Variants in MAP3K5 observed in about 807,000 individuals in gnomAD.
MAP3K5 encodes mitogen-activated protein kinase kinase kinase 5, also known as ASK-1.
MAP3K5 carries 56 observed loss-of-function variants against 158.7 expected under a neutral mutation model. The ratio of observed to expected loss-of-function variants is 0.35; its 90% CI spans 0.28 to 0.44. The LOEUF is 0.44. MAP3K5 is among the 20% of genes least tolerant of loss of function. MAP3K5 has a pLI of 1.00. For synonymous variants in MAP3K5, 579 were observed against 601.7 expected (o/e 0.96, Z 0.55); for missense variants, 1,294 against 1,674.8 (o/e 0.77, Z 3.97).
In MAP3K5 at chr6:136,557,592, A is replaced by C. The variant is rs1830305761; in HGVS notation, c.*166T>G. 4 of 562,884 alleles carry C rather than the reference A, an allele frequency of 7.1e-6. No homozygotes were observed. Among genetic ancestry groups the C allele is most frequent in the African/African-American group, 3.8e-5 (2 of 52,646 alleles). 34.9% of individuals were successfully genotyped at this position (562,884 alleles called of 1,614,324 possible). A position where few individuals can be genotyped will look rare whatever the true frequency, so the allele number is the denominator to read the frequency against. On this transcript the variant is annotated 3_prime_UTR_variant, in exon 30 of 30. Transcript: ENST00000359015. ...AATTATAGAAATAGATGTAGTTAGG[A>C]AATTTCAGTGTGTTTTGTCTGTTTT...
At chr6:136,630,518 C>G (rs1370604966) in intron 14 of MAP3K5, among the ~76,000 whole-genome samples, 1 of 152,144 alleles carries the variant, frequency 6.6e-6, no homozygotes, top group Non-Finnish European at 1.5e-5. Context: ...ACAGCAGCAG[C>G]AGAAAAAAAC....
intron 1 of MAP3K5, among the ~76,000 whole-genome samples, chr6:136,766,252 C>A (rs1427128908): frequency 1.3e-5 from 2 of 152,224 alleles, no homozygotes; most frequent in African/African-American, 4.8e-5. Flanking sequence ...TTCTGAATTG[C>A]AGCTCTAGTT....
In MAP3K5 at chr6:136,583,652, A is replaced by G; in HGVS notation, c.3314T>C (p.Ile1105Thr). The change falls in exon 24 of 30, where the codon ATC becomes ACC. Residue 1105 changes from isoleucine to threonine, a missense_variant. Ile to Thr is a moderately conservative substitution (Grantham distance 89, BLOSUM62 -1). Transcript: ENST00000359015. ...REFVRSTDRK[I>T]IATTLSKLKL... Reference sequence around the variant, plus strand: ...CAGCTTTGACAGTGTGGTGGCTATGATTTTTCGGTCAGTGGATCTCACAAA... The same window carrying G: ...CAGCTTTGACAGTGTGGTGGCTATGGTTTTTCGGTCAGTGGATCTCACAAA... 1 of 1,614,146 alleles carries G rather than the reference A, an allele frequency of 6.2e-7. No homozygotes were observed. The highest frequency in any genetic ancestry group is 8.5e-7 in the Non-Finnish European group (1 of 1,180,036).
At chr6:136,757,235 C>T (rs1342794947) in intron 1 of MAP3K5, among the ~76,000 whole-genome samples, 1 of 152,180 alleles carries the variant, frequency 6.6e-6, no homozygotes, top group Non-Finnish European at 1.5e-5. Context: ...TGACTACATA[C>T]CTACCTCTAG....
rs1266471180 is a variant in MAP3K5, at chr6:136,651,024, T to C, written c.1748A>G (p.Glu583Gly). Reference sequence around the variant, plus strand: ...CACGTGCCAAATAGAGATTGTCTTTTCCTCAACTTCATTGTTGATAGACAA... The same window carrying C: ...CACGTGCCAAATAGAGATTGTCTTTCCCTCAACTTCATTGTTGATAGACAA... Reference protein sequence around the residue: ...SYLSINNEVEEKTISIWHVLP... With the variant: ...SYLSINNEVEGKTISIWHVLP... Residue 583 changes from glutamate to glycine, a missense_variant, in exon 11 of 30, where the codon GAA becomes GGA. By Grantham distance (98) the Glu-to-Gly change is moderately conservative. Around this residue, in one of 5 missense-constraint regions of MAP3K5, gnomAD observed 690 missense variants for 870.5 expected, o/e 0.79. Transcript: ENST00000359015. The C allele has an allele frequency of 6.2e-7, 1 of 1,612,174 alleles. No individual in the cohort carries two copies. Among genetic ancestry groups the C allele is most frequent in the Non-Finnish European group, 8.5e-7 (1 of 1,178,806 alleles).
intron 1 of MAP3K5, 78 bp from the exon 2 acceptor site, chr6:136,720,667 T>A: frequency 9.3e-7 from 1 of 1,072,822 alleles, no homozygotes; most frequent in African/African-American, 1.6e-5. Context: ...TTGAATTATC[T>A]TAGTATTCAA....
chr6:136,602,059 C>A, intron 19 of MAP3K5, 80 bp from the exon 20 acceptor site: 1 of 1,082,418 alleles, frequency 9.2e-7, no homozygotes, highest in Non-Finnish European at 1.4e-6. Flanking sequence ...CATAACTTGA[C>A]CCCCCAATGC....
At chr6:136,774,832 T>G (rs1443284531) in intron 1 of MAP3K5, among the ~76,000 whole-genome samples, 2 of 152,232 alleles carry the variant, frequency 1.3e-5, no homozygotes, top group Admixed American at 1.3e-4. Flanking sequence ...GACATGGAAC[T>G]ATATTCTAAT....
chr6:136,617,344 T>C (rs1360281812), intron 15 of MAP3K5, among the ~76,000 whole-genome samples: 6 of 152,192 alleles, frequency 3.9e-5, no homozygotes, highest in Non-Finnish European at 8.8e-5. Flanking sequence ...TTCTTCTCAA[T>C]TACCTGTAAC....
At chr6:136,695,211 C>T (rs1014689370) in intron 6 of MAP3K5, among the ~76,000 whole-genome samples, 4 of 152,132 alleles carry the variant, frequency 2.6e-5, no homozygotes, top group African/African-American at 7.2e-5. Context: ...GATCTTGGCT[C>T]ACTGCAACTT....
intron 26 of MAP3K5, among the ~76,000 whole-genome samples, chr6:136,562,926 C>T (rs1012220803): frequency 2.0e-4 from 30 of 149,238 alleles, no homozygotes; most frequent in African/African-American, 7.2e-4. Flanking sequence ...GGTCTTTCCA[C>T]CTCAGCCTCT....
At chr6:136,583,496 T>A in intron 24 of MAP3K5, 59 bp downstream of exon 24, 1 of 1,424,738 alleles carries the variant, frequency 7.0e-7, no homozygotes, top group South Asian at 1.3e-5. Flanking sequence ...TTATGTTTTA[T>A]CTTATTTTTC....
At chr6:136,729,187 T>C (rs1782100740) in intron 1 of MAP3K5, among the ~76,000 whole-genome samples, 2 of 152,098 alleles carry the variant, frequency 1.3e-5, no homozygotes, top group African/African-American at 4.8e-5. Flanking sequence ...ACACACAGCC[T>C]CAGTAAAGCA....
intron 1 of MAP3K5, among the ~76,000 whole-genome samples, chr6:136,787,470 G>C (rs1479791670): frequency 6.6e-6 from 1 of 152,198 alleles, no homozygotes; most frequent in Non-Finnish European, 1.5e-5. Context: ...CAGAATTTGA[G>C]AGCTGGAGGG....
Position 136,592,312 on chromosome 6 carries a change from C to T in MAP3K5, c.3086G>A (p.Ser1029Asn). 3 of 1,597,952 alleles carry T rather than the reference C, an allele frequency of 1.9e-6. No homozygotes were observed. Among genetic ancestry groups the T allele is most frequent in the Non-Finnish European group, 2.6e-6 (3 of 1,173,144 alleles). The change falls in exon 23 of 30, where the codon AGT becomes AAT. Residue 1029 changes from serine (S) to asparagine (N), a missense_variant. Around this residue, in one of 5 missense-constraint regions of MAP3K5, gnomAD observed 362 missense variants for 463.2 expected, o/e 0.78. Transcript: ENST00000359015. ...GIPDENFEDH[S>N]APPSPEEKDS... Reference sequence around the variant, plus strand: ...TTTTTCTTCAGGGGAAGGAGGAGCACTGTGATCTTCAAAATTCTCATCTGG... The same window carrying T: ...TTTTTCTTCAGGGGAAGGAGGAGCATTGTGATCTTCAAAATTCTCATCTGG...
chr6:136,757,582 T>TTTTA (rs763117988), intron 1 of MAP3K5, among the ~76,000 whole-genome samples: 1 of 133,020 alleles, frequency 7.5e-6, no homozygotes, highest in Non-Finnish European at 1.6e-5. Context: ...TTTATTTATT[T>TTTTA]TTTATTTTTT....
intron 6 of MAP3K5, among the ~76,000 whole-genome samples, chr6:136,694,789 A>T (rs1016077060): frequency 2.0e-5 from 3 of 152,240 alleles, no homozygotes; most frequent in Non-Finnish European, 4.4e-5. Context: ...CTTGATTTCT[A>T]CGTGTGACTA....
In MAP3K5 at chr6:136,592,490, T is replaced by C; in HGVS notation, c.3003A>G (p.Arg1001=). 1 of 1,614,036 alleles carries C rather than the reference T, an allele frequency of 6.2e-7. No individual in the cohort carries two copies. ...CATCTCTTTCTCCGCAGGACTTGGC[T>C]CTTGTTTTGAAAGAGAAGGGGTCCA... ...LKVDPFSFKT[R]AKSCGERDVK... Residue 1001 remains arginine (R), a synonymous_variant, in exon 22 of 30, where the codon AGA becomes AGG. Transcript: ENST00000359015.
chr6:136,610,004 C>T (rs1304141535), intron 18 of MAP3K5, among the ~76,000 whole-genome samples: 2 of 152,060 alleles, frequency 1.3e-5, no homozygotes, highest in Non-Finnish European at 2.9e-5. Flanking sequence ...TGCAATGTCA[C>T]TTCTCTCCCA....
Sources: allele counts gnomAD v4.1 joint callset (sites outside exome capture counted in the v4.1 genomes callset), GRCh38; gene constraint gnomAD v4.1.1; regional missense constraint gnomAD v4.1.1; transcripts MANE v1.5; gene names NCBI Gene and HGNC (gene_info 2026-07-23, HGNC 2026-07-21).